The following MND1 variants were observed in gnomAD, a reference collection of about 807,000 sequenced individuals.
The protein encoded by MND1 is meiotic nuclear division protein 1 homolog.
In MND1, 28 loss-of-function variants were observed where a neutral mutation model predicts 35.1. That is an observed-to-expected ratio of 0.80 (90% CI 0.59 to 1.09). The LOEUF is 1.09. MND1 is among the 50% of genes least tolerant of loss of function. The pLI, the probability that MND1 is intolerant of heterozygous loss-of-function variation, is 0.00. For synonymous variants in MND1, 69 were observed against 70.5 expected (o/e 0.98, Z 0.11); for missense variants, 213 against 239.6 (o/e 0.89, Z 0.73).
intron 1 of MND1, among the ~76,000 whole-genome samples, chr4:153,348,695 G>C (rs547770243): frequency 2.6e-5 from 4 of 151,778 alleles, no homozygotes; most frequent in African/African-American, 7.3e-5. Context: ...GTTTTGTTTT[G>C]AGACAGTGTC....
intron 4 of MND1, chr4:153,381,945 A>G (rs1353382456): frequency 1.3e-5 from 2 of 151,466 alleles, no homozygotes; most frequent in African/African-American, 4.9e-5. Context: ...AACAGCCTAG[A>G]ACTCCTGGCC....
chr4:153,356,652 T>A (rs1393243873), intron 3 of MND1, among the ~76,000 whole-genome samples: 1 of 151,590 alleles, frequency 6.6e-6, no homozygotes, highest in African/African-American at 2.4e-5. Context: ...CATTCAAGTA[T>A]CCTTGAATTC....
intron 4 of MND1, among the ~76,000 whole-genome samples, chr4:153,376,995 CAA>C (rs1361298251): frequency 6.6e-6 from 1 of 152,144 alleles, no homozygotes; most frequent in East Asian, 1.9e-4. Context: ...AATATGGCAG[CAA>C]GTCTATGTAG....
intron 6 of MND1, among the ~76,000 whole-genome samples, chr4:153,404,330 T>C (rs6855553): frequency 0.54 from 79,392 of 146,916 alleles, 23,378 homozygotes; most frequent in African/African-American, 0.8. Flanking sequence ...TACAGGCACG[T>C]GCCACCACGC....
intron 4 of MND1, among the ~76,000 whole-genome samples, chr4:153,369,085 TC>T (rs1773728663): frequency 6.6e-6 from 1 of 152,224 alleles, no homozygotes; most frequent in South Asian, 2.1e-4. Flanking sequence ...CCAAATCCAA[TC>T]ATGTGGTTAT....
At chr4:153,382,506 A>AG (rs1417135741) in intron 4 of MND1, among the ~76,000 whole-genome samples, 4 of 152,242 alleles carry the variant, frequency 2.6e-5, no homozygotes, top group Non-Finnish European at 5.9e-5. Context: ...ATTCTACTGT[A>AG]AGAGGCAGAA....
At chr4:153,362,212 CT>C (rs1483823966) in intron 4 of MND1, among the ~76,000 whole-genome samples, 1 of 152,134 alleles carries the variant, frequency 6.6e-6, no homozygotes, top group Non-Finnish European at 1.5e-5. Flanking sequence ...TCTTTTATAA[CT>C]TTAAACATAC....
At chr4:153,398,396 AG>A (rs1410368150) in intron 6 of MND1, among the ~76,000 whole-genome samples, 1 of 152,236 alleles carries the variant, frequency 6.6e-6, no homozygotes, top group Non-Finnish European at 1.5e-5. Flanking sequence ...AATTAACCTG[AG>A]GATAGTTTGA....
intron 6 of MND1, among the ~76,000 whole-genome samples, chr4:153,403,565 C>A (rs1005938315): frequency 6.6e-6 from 1 of 152,106 alleles, no homozygotes; most frequent in Non-Finnish European, 1.5e-5. Context: ...AACAACTCTA[C>A]GAGCAACAAT....
At chr4:153,391,569 T>C (rs748876654) in intron 4 of MND1, among the ~76,000 whole-genome samples, 7 of 151,678 alleles carry the variant, frequency 4.6e-5, no homozygotes, top group Non-Finnish European at 8.8e-5. Context: ...CTACTAAAAA[T>C]ACAAAAAATT....
chr4:153,380,906 T>G (rs1579927491), intron 4 of MND1, among the ~76,000 whole-genome samples: 1 of 81,232 alleles, frequency 1.2e-5, no homozygotes. Context: ...GACATCAGAG[T>G]TTTTTTTTTT....
At chr4:153,377,104 T>C (rs1325592179) in intron 4 of MND1, among the ~76,000 whole-genome samples, 1 of 152,190 alleles carries the variant, frequency 6.6e-6, no homozygotes, top group African/African-American at 2.4e-5. Flanking sequence ...TCTTCCTTAG[T>C]TCTTCATCCA....
At chr4:153,369,040 CTCA>C (rs1773727590) in intron 4 of MND1, among the ~76,000 whole-genome samples, 1 of 152,208 alleles carries the variant, frequency 6.6e-6, no homozygotes, top group Non-Finnish European at 1.5e-5. Context: ...GGGCCATATT[CTCA>C]TCTGAAGGTT....
At position 153,391,317 on chromosome 4, in the gene MND1, C is replaced by A. The variant is rs554688433; in HGVS notation, c.277-2945C>A. Among the ~76,000 whole-genome samples the A allele has an allele frequency of 1.1e-3, 164 of 152,196 alleles. 1 individual carries two copies. Among genetic ancestry groups the A allele is most frequent in the African/African-American group, 3.8e-3 (156 of 41,530 alleles). ...TAGCTGGGATTATAGGTGTGCGCCA[C>A]CACGACTGGCTAATTTTGTATTTTT... On this transcript the variant is annotated intron_variant, in intron 4 of 7. Transcript: ENST00000240488.
intron 7 of MND1, 89 bp from the exon 8 acceptor site, chr4:153,414,659 TAGA>T: frequency 1.9e-6 from 1 of 529,144 alleles, no homozygotes; most frequent in East Asian, 3.3e-5. Context: ...TGAAAGTTAA[TAGA>T]AGGAAGTAAA....
At chr4:153,372,094 GTT>G (rs1773803437) in intron 4 of MND1, among the ~76,000 whole-genome samples, 1 of 152,034 alleles carries the variant, frequency 6.6e-6, no homozygotes, top group Non-Finnish European at 1.5e-5. Flanking sequence ...TGTGGGCATG[GTT>G]TGTGACACCC....
intron 4 of MND1, among the ~76,000 whole-genome samples, chr4:153,375,260 G>C (rs1219167641): frequency 6.6e-6 from 1 of 152,136 alleles, no homozygotes; most frequent in Non-Finnish European, 1.5e-5. Context: ...AATATTTATT[G>C]AGCACTTAGG....
rs1729227252 is a variant in MND1 at position 153,397,388 on chromosome 4, AT to A, written c.466+60del. ...TAACTTTGATAATGAAGAAGACTTT[AT>A]TTTTCTAGTTGCCTGCTAACTATTC... On this transcript the variant is annotated intron_variant, in intron 6 of 7. Transcript: ENST00000240488. 7 of 1,284,836 alleles carry A rather than the reference AT, an allele frequency of 5.4e-6. 1 individual carries two copies. The highest frequency in any genetic ancestry group is 5.4e-5 in the South Asian group (4 of 73,568). 79.6% of individuals were successfully genotyped at this position (1,284,836 alleles called of 1,614,324 possible).
intron 5 of MND1, among the ~76,000 whole-genome samples, chr4:153,396,078 ATCT>A (rs1343644031): frequency 6.6e-6 from 1 of 152,136 alleles, no homozygotes; most frequent in Non-Finnish European, 1.5e-5. Flanking sequence ...AATAATGACC[ATCT>A]TCTTATAGTT....
Sources: allele counts gnomAD v4.1 joint callset (sites outside exome capture counted in the v4.1 genomes callset), GRCh38; gene constraint gnomAD v4.1.1; transcripts MANE v1.5; gene names NCBI Gene and HGNC (gene_info 2026-07-23, HGNC 2026-07-21).